The following BCAR3 variants were observed in gnomAD, a reference collection of about 807,000 sequenced individuals.
The protein encoded by BCAR3 is breast cancer anti-estrogen resistance protein 3.
BCAR3 carries 37 observed loss-of-function variants against 80.1 expected under a neutral mutation model. The observed-to-expected ratio is 0.46, with a 90% CI of 0.36 to 0.61. The LOEUF (loss-of-function observed/expected upper bound fraction) is 0.61. BCAR3 is among the 20% of genes least tolerant of loss of function. The pLI, the probability that BCAR3 is intolerant of heterozygous loss-of-function variation, is 0.00. For synonymous variants in BCAR3, 389 were observed against 418.9 expected (o/e 0.93, Z 0.87); for missense variants, 978 against 1,068.2 (o/e 0.92, Z 1.18).
At chr1:93,749,936 C>T (rs1201643448) in intron 2 of BCAR3, among the ~76,000 whole-genome samples, 1 of 146,814 alleles carries the variant, frequency 6.8e-6, no homozygotes, top group Admixed American at 6.9e-5. Flanking sequence ...AATGTTTCAG[C>T]TTAAAGATAT....
chr1:93,592,378 G>A lies in BCAR3; in HGVS notation c.373C>T (p.His125Tyr), dbSNP rs1674250542. Residue 125 changes from histidine (H) to tyrosine (Y), a missense_variant, in exon 4 of 12, where the codon CAC becomes TAC. Physicochemically the swap from His to Tyr is moderately conservative, Grantham distance 83. Transcript: ENST00000260502. This position sits in a 1 kb window ranked among gnomAD's most constrained non-coding sequence, Gnocchi z 4.8. ...VEYVKFSKER[H>Y]IMDRTPEKLK... ...TTCTCGGGGGTCCTGTCCATGATGTGCCTCTCCTTGGAGAACTGCAACACA... is the reference window on the plus strand; with the variant it reads ...TTCTCGGGGGTCCTGTCCATGATGTACCTCTCCTTGGAGAACTGCAACACA... The A allele has an allele frequency of 1.3e-6, 2 of 1,599,638 alleles. No individual in the cohort carries two copies. Among genetic ancestry groups the A allele is most frequent in the African/African-American group, 2.7e-5 (2 of 74,092 alleles).
intron 2 of BCAR3, among the ~76,000 whole-genome samples, chr1:93,659,775 G>C (rs1042123529): frequency 3.3e-5 from 5 of 151,824 alleles, no homozygotes; most frequent in African/African-American, 1.2e-4. Context: ...TAGGCCTGGG[G>C]TCCCCATCCT....
intron 2 of BCAR3, among the ~76,000 whole-genome samples, chr1:93,720,799 G>T (rs1650367177): frequency 1.3e-5 from 2 of 152,244 alleles, no homozygotes; most frequent in African/African-American, 2.4e-5. Context: ...TGGGCCTGAG[G>T]GCCTGGCCCT....
intron 3 of BCAR3, among the ~76,000 whole-genome samples, chr1:93,620,973 C>G (rs573893212): frequency 1.3e-5 from 2 of 152,344 alleles, no homozygotes; most frequent in Non-Finnish European, 2.9e-5. Flanking sequence ...CCACACATCC[C>G]TATCTCCACC....
rs3754191 is a variant in BCAR3, at chr1:93,578,141, G to A, written c.1687-2012C>T. Among the ~76,000 whole-genome samples, 95 of 152,308 alleles carry A rather than the reference G, an allele frequency of 6.2e-4. 1 individual carries two copies. In the East Asian group the frequency reaches 0.014, roughly 23 times the overall value. ...CAAATCTTAGCTGGTCTGCTCTGCT[G>A]CATCTCTGGACTCCACCCTCTGCTC... On this transcript the variant is annotated intron_variant, in intron 7 of 11. Coordinates refer to ENST00000260502, the MANE Select transcript of BCAR3 (RefSeq NM_003567.4).
chr1:93,750,025 G>T (rs1002922948), intron 2 of BCAR3, among the ~76,000 whole-genome samples: 1 of 152,052 alleles, frequency 6.6e-6, no homozygotes. Flanking sequence ...CTACAATTGA[G>T]CAAAGATTAT....
intron 11 of BCAR3, among the ~76,000 whole-genome samples, chr1:93,562,768 C>CA (rs35374992): frequency 0.11 from 8,593 of 76,694 alleles, 687 homozygotes; most frequent in African/African-American, 0.23. Flanking sequence ...GACTCCATCT[C>CA]AAAAAAAAAA....
At chr1:93,634,717 C>CAAA (rs369471301) in intron 3 of BCAR3, among the ~76,000 whole-genome samples, 10 of 129,080 alleles carry the variant, frequency 7.7e-5, no homozygotes, top group African/African-American at 2.8e-4. Flanking sequence ...ACAACAACAA[C>CAAA]AACAAAAAAA....
intron 8 of BCAR3, among the ~76,000 whole-genome samples, chr1:93,574,730 T>C (rs67043929): frequency 0.16 from 24,998 of 151,956 alleles, 2,253 homozygotes; most frequent in Non-Finnish European, 0.2. Flanking sequence ...AGCCGGGAGG[T>C]CAGGCCCCTA....
At position 93,833,568 on chromosome 1, in the gene BCAR3, C is replaced by T. The variant is rs191855062; in HGVS notation, c.-63+11999G>A. The stretch of plus-strand genomic sequence containing the variant: ...CCAGAGCGGTCATTTTAGAAGCCTC[C>T]CCTGGGAATGCATTCTTTTCCCAGG... On this transcript the variant is annotated intron_variant, in intron 2 of 13. Transcript: ENST00000370244. Among the ~76,000 whole-genome samples, 1,355 of 152,216 alleles carry T rather than the reference C, an allele frequency of 8.9e-3. 19 individuals are homozygous for T. The highest frequency in any genetic ancestry group is 0.032 in the African/African-American group (1,312 of 41,510).
At chr1:93,701,781 G>A (rs1649653341) in intron 3 of BCAR3, among the ~76,000 whole-genome samples, 1 of 152,182 alleles carries the variant, frequency 6.6e-6, no homozygotes, top group Non-Finnish European at 1.5e-5. Context: ...ACTGAACTGG[G>A]CCCAGCATTC....
chr1:93,697,083 C>A (rs1649438959), intron 3 of BCAR3, among the ~76,000 whole-genome samples: 2 of 152,240 alleles, frequency 1.3e-5, no homozygotes, highest in African/African-American at 4.8e-5. Context: ...CACCCAGGTA[C>A]AGCGCACCTC....
At chr1:93,674,534 G>C (rs1648369911) in intron 2 of BCAR3, 80 bp downstream of exon 2, 1 of 1,466,720 alleles carries the variant, frequency 6.8e-7, no homozygotes, top group African/African-American at 1.4e-5. Flanking sequence ...ACAGGTGTGA[G>C]CCACCACGCC....
At chr1:93,784,484 G>A (rs947711666) in intron 2 of BCAR3, among the ~76,000 whole-genome samples, 7 of 152,208 alleles carry the variant, frequency 4.6e-5, no homozygotes, top group Admixed American at 3.9e-4. Context: ...CAGTGCTGAG[G>A]GTGAGCAGTT....
At chr1:93,766,462 A>G (rs1652153273) in intron 2 of BCAR3, among the ~76,000 whole-genome samples, 3 of 152,346 alleles carry the variant, frequency 2.0e-5, no homozygotes, top group Middle Eastern at 6.8e-3. Context: ...GTGCCCAGGA[A>G]GTGGGCAGCC....
intron 2 of BCAR3, among the ~76,000 whole-genome samples, chr1:93,649,713 T>C (rs894654833): frequency 6.6e-6 from 1 of 152,038 alleles, no homozygotes; most frequent in African/African-American, 2.4e-5. Context: ...TTTTGTGATA[T>C]GACGAATAGA....
At chr1:93,834,439 T>C (rs1654691006) in intron 2 of BCAR3, among the ~76,000 whole-genome samples, 1 of 152,140 alleles carries the variant, frequency 6.6e-6, no homozygotes, top group African/African-American at 2.4e-5. Flanking sequence ...CCTCTTTCCA[T>C]TCCTTAAAAA....
At chr1:93,828,697 T>C (rs1654458675) in intron 2 of BCAR3, among the ~76,000 whole-genome samples, 2 of 152,132 alleles carry the variant, frequency 1.3e-5, no homozygotes, top group Non-Finnish European at 2.9e-5. Flanking sequence ...CTGCATCATG[T>C]AAAACTTTTT....
At position 93,664,141 on chromosome 1, in the gene BCAR3, G is replaced by C. The variant is rs796779988; in HGVS notation, c.317+10473C>G. ...CCTACTTTTCTTTTTACTTTGAGAC[G>C]GAGTTTTGCTCTTGTTGCCCCAGGC... is the stretch of plus-strand genomic sequence containing the variant. On this transcript the variant is annotated intron_variant, in intron 2 of 11. Transcript: ENST00000260502. Among the ~76,000 whole-genome samples the C allele has an allele frequency of 2.6e-5, 4 of 152,068 alleles. No individual in the cohort carries two copies. In the East Asian group the frequency reaches 7.7e-4, roughly 29 times the overall value.
Sources: allele counts gnomAD v4.1 joint callset (sites outside exome capture counted in the v4.1 genomes callset), GRCh38; gene constraint gnomAD v4.1.1; non-coding constraint Gnocchi (gnomAD v3.1); transcripts MANE v1.5; gene names NCBI Gene and HGNC (gene_info 2026-07-23, HGNC 2026-07-21).